LCLAT1: variants seen among roughly 807,000 people sequenced by gnomAD.
LCLAT1 encodes 1-AGP acyltransferase 8.
A neutral mutation model predicts 30.7 loss-of-function variants in LCLAT1; 11 were observed. That is an observed-to-expected ratio of 0.36 (90% confidence interval 0.23 to 0.59). The LOEUF is 0.59. Ranked by LOEUF, LCLAT1 falls within the 20% of genes least tolerant of loss-of-function variation. LCLAT1 has a pLI of 0.77. For synonymous variants in LCLAT1, 155 were observed against 151.3 expected (o/e 1.02, Z -0.18); for missense variants, 402 against 458.6 (o/e 0.88, Z 1.13).
rs1669390664 is a variant in LCLAT1, at chr2:30,642,834, AC to A, written c.*2216del. On this transcript the variant is annotated 3_prime_UTR_variant, in exon 6 of 6. Transcript: ENST00000379509. ...ACTTAGAGATACAGACACTGTACTT[AC>A]TTTTTAAGAATTAGAGACAGTAACT... 1.9e-5 allele frequency: 2 copies of A among 107,696 alleles called. No homozygotes were observed. The highest frequency in any genetic ancestry group is 3.1e-4 in the South Asian group (1 of 3,248). 6.7% of individuals were successfully genotyped at this position (107,696 alleles called of 1,614,324 possible).
chr2:30,587,366 T>C (rs72858980), intron 5 of LCLAT1, among the ~76,000 whole-genome samples: 6,694 of 152,314 alleles, frequency 0.044, 515 homozygotes, highest in African/African-American at 0.15. Context: ...AACATCTTTC[T>C]CATGCGGTTA....
At chr2:30,600,085 G>A (rs1667110581) in intron 5 of LCLAT1, among the ~76,000 whole-genome samples, 1 of 152,108 alleles carries the variant, frequency 6.6e-6, no homozygotes, top group African/African-American at 2.4e-5. Flanking sequence ...GCTTCCTTCA[G>A]GAGTTCTTGC....
chr2:30,613,432 C>CA (rs1284711683), intron 5 of LCLAT1, among the ~76,000 whole-genome samples: 2 of 151,702 alleles, frequency 1.3e-5, no homozygotes. Context: ...AGTGAGGTTG[C>CA]AAAAAATGGC....
chr2:30,573,674 C>G (rs1665879052), intron 5 of LCLAT1, among the ~76,000 whole-genome samples: 1 of 152,132 alleles, frequency 6.6e-6, no homozygotes, highest in African/African-American at 2.4e-5. Flanking sequence ...TTTTCTTTGG[C>G]TTGGTTGGGT....
chr2:30,553,405 G>C (rs1326490411), intron 3 of LCLAT1, among the ~76,000 whole-genome samples: 1 of 152,146 alleles, frequency 6.6e-6, no homozygotes, highest in Non-Finnish European at 1.5e-5. Context: ...AAAGAAGATG[G>C]TGGTAGTGGA....
At chr2:30,448,943 T>C (rs1681405160) in intron 1 of LCLAT1, among the ~76,000 whole-genome samples, 1 of 152,226 alleles carries the variant, frequency 6.6e-6, no homozygotes, top group South Asian at 2.1e-4. Flanking sequence ...CTTTAAAAAG[T>C]TAAAAAAACA....
chr2:30,560,321 TGTG>T (rs1216137112), intron 3 of LCLAT1, among the ~76,000 whole-genome samples: 2 of 146,172 alleles, frequency 1.4e-5, no homozygotes, highest in African/African-American at 5.4e-5. Context: ...TGTGTGTGTG[TGTG>T]TATTATTTAT....
In LCLAT1 at chr2:30,634,574, G is replaced by A. The variant is rs778834186; in HGVS notation, c.629-5543G>A. On this transcript the variant is annotated intron_variant, in intron 5 of 5. Transcript: ENST00000379509. ...CCAGGAGTGGAGGTTGCAGTGAGCC[G>A]GCGACAAGCGCAAAACTCCATCTCA... Among the ~76,000 whole-genome samples the A allele has an allele frequency of 5.2e-4, 79 of 152,112 alleles. 1 individual carries two copies. Among genetic ancestry groups the A allele is most frequent in the African/African-American group, 1.2e-3 (50 of 41,406 alleles).
chr2:30,499,177 T>C (rs945487728), intron 1 of LCLAT1, among the ~76,000 whole-genome samples: 3 of 151,988 alleles, frequency 2.0e-5, no homozygotes, highest in African/African-American at 7.2e-5. Context: ...AGCTGTGTTT[T>C]GTTGTTGTTG....
At chr2:30,635,811 C>G (rs749974765) in intron 5 of LCLAT1, among the ~76,000 whole-genome samples, 1 of 152,200 alleles carries the variant, frequency 6.6e-6, no homozygotes, top group African/African-American at 2.4e-5. Flanking sequence ...GTTAACACAA[C>G]TCAATCGAGA....
chr2:30,545,171 C>A (rs932389114), intron 3 of LCLAT1, among the ~76,000 whole-genome samples: 1 of 152,100 alleles, frequency 6.6e-6, no homozygotes, highest in Non-Finnish European at 1.5e-5. Context: ...GCAAACAAAA[C>A]AGCATGTTTG....
At chr2:30,627,736 AC>A (rs1668581359) in intron 5 of LCLAT1, among the ~76,000 whole-genome samples, 1 of 152,026 alleles carries the variant, frequency 6.6e-6, no homozygotes, top group Non-Finnish European at 1.5e-5. Flanking sequence ...CAGGTCTTTG[AC>A]TAATATTTTC....
chr2:30,627,086 A>G (rs1668546113), intron 5 of LCLAT1, among the ~76,000 whole-genome samples: 1 of 152,186 alleles, frequency 6.6e-6, no homozygotes, highest in Non-Finnish European at 1.5e-5. Flanking sequence ...TGTGAGAAAC[A>G]CACTCACCCA....
intron 3 of LCLAT1, among the ~76,000 whole-genome samples, chr2:30,545,355 T>C (rs144545085): frequency 6.6e-6 from 1 of 152,296 alleles, no homozygotes; most frequent in African/African-American, 2.4e-5. Context: ...GCGCATTTTT[T>C]TTTCAAATAA....
At chr2:30,451,076 A>G (rs1023680032) in intron 1 of LCLAT1, among the ~76,000 whole-genome samples, 1 of 152,238 alleles carries the variant, frequency 6.6e-6, no homozygotes, top group Admixed American at 6.5e-5. Flanking sequence ...GGCACTGTCT[A>G]TTAGAGGGTC....
chr2:30,578,565 A>C (rs1274404962), intron 5 of LCLAT1, among the ~76,000 whole-genome samples: 2 of 152,136 alleles, frequency 1.3e-5, no homozygotes, highest in Non-Finnish European at 2.9e-5. Flanking sequence ...AAGTAGAAGA[A>C]GTGTTAGTCA....
intron 5 of LCLAT1, among the ~76,000 whole-genome samples, chr2:30,595,789 C>G (rs1055339569): frequency 2.0e-5 from 3 of 152,122 alleles, no homozygotes; most frequent in African/African-American, 7.2e-5. Context: ...GATGCTTTCC[C>G]CCACTCCCAC....
chr2:30,469,065 T>A (rs1682629402), intron 1 of LCLAT1, among the ~76,000 whole-genome samples: 1 of 152,250 alleles, frequency 6.6e-6, no homozygotes, highest in Non-Finnish European at 1.5e-5. Flanking sequence ...TGGAGAAATA[T>A]CTATTCAAGT....
chr2:30,585,693 C>G (rs1463384987), intron 5 of LCLAT1, among the ~76,000 whole-genome samples: 3 of 152,156 alleles, frequency 2.0e-5, no homozygotes, highest in Admixed American at 6.5e-5. Context: ...TCTCTCTTAT[C>G]GGTTATACTC....
Sources: gnomAD v4.1 joint callset for allele counts (sites outside exome capture counted in the v4.1 genomes callset) on GRCh38, gnomAD v4.1.1 for gene constraint, MANE v1.5 for transcripts, NCBI Gene and HGNC (gene_info 2026-07-23, HGNC 2026-07-21) for gene names.